The following EIF3K variants were observed in gnomAD, a reference collection of about 807,000 sequenced individuals.
EIF3K encodes the protein eukaryotic translation initiation factor 3 subunit K.
Under a neutral mutation model 34.2 loss-of-function variants are expected in EIF3K, and 27 were observed. The ratio of observed to expected loss-of-function variants is 0.79; its 90% CI spans 0.58 to 1.09. EIF3K has a LOEUF of 1.09. EIF3K is among the 50% of genes least tolerant of loss of function. The probability of loss-of-function intolerance (pLI) is 0.00; values close to 1 mark genes in which losing one functional copy is unlikely to be tolerated. For missense variants in EIF3K, 232 were observed against 275.4 expected, an observed-to-expected ratio of 0.84 and a Z score of 1.11; for synonymous variants, 105 against 105.7, an observed-to-expected ratio of 0.99 and a Z score of 0.04.
intron 6 of EIF3K, among the ~76,000 whole-genome samples, chr19:38,633,761 T>C (rs1171286308): frequency 6.7e-6 from 1 of 150,194 alleles, no homozygotes; most frequent in Non-Finnish European, 1.5e-5. Context: ...TCACGTGAGG[T>C]CAGGAGTTCG....
intron 3 of EIF3K, among the ~76,000 whole-genome samples, chr19:38,624,812 C>T (rs933073838): frequency 6.6e-6 from 1 of 152,042 alleles, no homozygotes; most frequent in Non-Finnish European, 1.5e-5. Flanking sequence ...ACACAGCCAT[C>T]TGTATTTACA....
At position 38,619,265 on chromosome 19, in the gene EIF3K, A is replaced by T; in HGVS notation, c.-4A>T. 6.2e-7 allele frequency: 1 copy of T among 1,613,950 alleles called. No homozygotes were observed. Among genetic ancestry groups the T allele is most frequent in the Non-Finnish European group, 8.5e-7 (1 of 1,179,902 alleles). On this transcript the variant is annotated 5_prime_UTR_variant, in exon 1 of 8. It adds an upstream start codon to the 5' untranslated region. Coordinates refer to ENST00000248342, the MANE Select transcript of EIF3K (RefSeq NM_013234.4). ...AGCCCTGGTTGTGGAAGGCGACAGAAGTCATGGCGATGTTTGAGCAGATGA... is the reference window on the plus strand; with the variant it reads ...AGCCCTGGTTGTGGAAGGCGACAGATGTCATGGCGATGTTTGAGCAGATGA...
intron 6 of EIF3K, among the ~76,000 whole-genome samples, chr19:38,633,417 G>A (rs964896585): frequency 6.6e-6 from 1 of 152,224 alleles, no homozygotes; most frequent in African/African-American, 2.4e-5. Flanking sequence ...AACTAAGGAA[G>A]GCCGGGTGCG....
chr19:38,630,259 T>C (rs1363935455), intron 4 of EIF3K, among the ~76,000 whole-genome samples: 1 of 150,992 alleles, frequency 6.6e-6, no homozygotes, highest in Non-Finnish European at 1.5e-5. Context: ...GTTCAAGTGA[T>C]TCTTCTGCCT....
At chr19:38,631,690 CGGGCTGGGG>C (rs774007333) in intron 4 of EIF3K, among the ~76,000 whole-genome samples, 2 of 152,142 alleles carry the variant, frequency 1.3e-5, no homozygotes, top group Non-Finnish European at 2.9e-5. Flanking sequence ...TTACGGGTGT[CGGGCTGGGG>C]GACTGTCAGG....
chr19:38,620,972 C>T (rs1317441630), intron 2 of EIF3K, among the ~76,000 whole-genome samples: 1 of 151,986 alleles, frequency 6.6e-6, no homozygotes, highest in Non-Finnish European at 1.5e-5. Flanking sequence ...GAGGCTGAGG[C>T]GAGAGACTCA....
At chr19:38,631,468 C>G (rs183907272) in intron 4 of EIF3K, among the ~76,000 whole-genome samples, 14 of 152,316 alleles carry the variant, frequency 9.2e-5, no homozygotes, top group South Asian at 4.1e-4. Context: ...ACATAAACAT[C>G]TCAATGCCTT....
At chr19:38,625,578 T>C (rs1452034314) in intron 3 of EIF3K, among the ~76,000 whole-genome samples, 1 of 150,872 alleles carries the variant, frequency 6.6e-6, no homozygotes, top group African/African-American at 2.5e-5. Flanking sequence ...GGCGTGATCT[T>C]GGCTCACTAC....
At position 38,624,076 on chromosome 19, in the gene EIF3K, G is replaced by C. The variant is rs1975898002; in HGVS notation, c.159-1G>C. ...GCCACGTCTCTTGTTCTTTTTCTTA[G>C]GTACCAGTTCAACCCAGCCTTCTTT... is the stretch of plus-strand genomic sequence containing the variant. On this transcript the variant is annotated splice_acceptor_variant, in intron 2 of 7. Transcript: ENST00000248342. LOFTEE classifies it high-confidence loss of function. 6.2e-7 allele frequency: 1 copy of C among 1,613,924 alleles called. No individual in the cohort carries two copies. Among genetic ancestry groups the C allele is most frequent in the African/African-American group, 1.3e-5 (1 of 74,908 alleles).
At chr19:38,630,338 TA>T (rs1976034824) in intron 4 of EIF3K, among the ~76,000 whole-genome samples, 1 of 146,058 alleles carries the variant, frequency 6.8e-6, no homozygotes, top group African/African-American at 2.5e-5. Context: ...ATTATTTATT[TA>T]TTTATTTATT....
chr19:38,631,811 T>C (rs948235422), intron 4 of EIF3K, among the ~76,000 whole-genome samples: 2 of 152,214 alleles, frequency 1.3e-5, no homozygotes, highest in African/African-American at 4.8e-5. Flanking sequence ...TCTTCCGCAG[T>C]GTTTGTGTCC....
At chr19:38,623,527 A>AC (rs1975886114) in intron 2 of EIF3K, among the ~76,000 whole-genome samples, 1 of 152,028 alleles carries the variant, frequency 6.6e-6, no homozygotes, top group Non-Finnish European at 1.5e-5. Context: ...CTGGTCTCGA[A>AC]CTCCTGATCT....
rs919195716 is a variant in EIF3K at position 38,625,891 on chromosome 19, C to G, written c.280-137C>G. On this transcript the variant is annotated intron_variant, in intron 3 of 7. Transcript: ENST00000248342. ...TGCATACACCTGCAGGAGAAATAAG[C>G]TGGCTTCCTTTTCCAGCTGTTTTTC... The G allele has an allele frequency of 7.5e-6, 6 of 795,158 alleles. No individual in the cohort carries two copies. The African/African-American group carries it at 1.0e-4, about 14-fold the overall frequency. 49.3% of individuals were successfully genotyped at this position (795,158 alleles called of 1,614,324 possible). A position where few individuals can be genotyped will look rare whatever the true frequency, so the allele number is the denominator to read the frequency against.
intron 3 of EIF3K, among the ~76,000 whole-genome samples, chr19:38,624,827 A>G (rs987667104): frequency 6.6e-6 from 1 of 152,174 alleles, no homozygotes; most frequent in African/African-American, 2.4e-5. Flanking sequence ...TTTACATTCT[A>G]TAGAACAATG....
At chr19:38,628,211 G>C (rs1975988286) in intron 4 of EIF3K, among the ~76,000 whole-genome samples, 1 of 152,098 alleles carries the variant, frequency 6.6e-6, no homozygotes, top group Non-Finnish European at 1.5e-5. Context: ...GACCTCTGAG[G>C]CATTTTTAAA....
At chr19:38,621,761 C>G (rs530753117) in intron 2 of EIF3K, among the ~76,000 whole-genome samples, 1 of 152,182 alleles carries the variant, frequency 6.6e-6, no homozygotes, top group Non-Finnish European at 1.5e-5. Flanking sequence ...TGAGATCCAT[C>G]CAGTGTTTTT....
intron 6 of EIF3K, 61 bp downstream of exon 6, chr19:38,632,739 C>T: frequency 6.8e-7 from 1 of 1,461,758 alleles, no homozygotes; most frequent in East Asian, 2.4e-5. Context: ...GGCAGTGGAC[C>T]TCAGTCAGCT....
chr19:38,631,772 C>A (rs1170493630), intron 4 of EIF3K, among the ~76,000 whole-genome samples: 1 of 152,216 alleles, frequency 6.6e-6, no homozygotes, highest in African/African-American at 2.4e-5. Flanking sequence ...TGGACAATAC[C>A]TGGCTTTCCT....
rs372163853 is a variant in EIF3K at position 38,624,211 on chromosome 19, A to C, written c.279+14A>C. 2.5e-6 allele frequency: 4 copies of C among 1,613,842 alleles called. No individual in the cohort carries two copies. The highest frequency in any genetic ancestry group is 1.3e-5 in the African/African-American group (1 of 74,904). ...GACCAGGCACATGTATCCTTCCAGC[A>C]CTGGGGCCGGGGGGTGTGTGGGAAG... On this transcript the variant is annotated intron_variant, in intron 3 of 7. Coordinates refer to ENST00000248342, the MANE Select transcript of EIF3K (RefSeq NM_013234.4).
Sources: gnomAD v4.1 joint callset for allele counts (sites outside exome capture counted in the v4.1 genomes callset) on GRCh38, gnomAD v4.1.1 for gene constraint, MANE v1.5 for transcripts, NCBI Gene and HGNC (gene_info 2026-07-23, HGNC 2026-07-21) for gene names.